The following TTC6 variants were observed in gnomAD, a reference collection of about 807,000 sequenced individuals.
TTC6 encodes tetratricopeptide repeat protein 6.
TTC6 carries 172 observed loss-of-function variants against 210.4 expected under a neutral mutation model. The observed-to-expected ratio is 0.82, with a 90% CI of 0.72 to 0.93. The LOEUF (loss-of-function observed/expected upper bound fraction) is 0.93. TTC6 is among the 40% of genes least tolerant of loss of function. TTC6 has a pLI of 0.00. For synonymous variants in TTC6, 804 were observed against 819.6 expected (o/e 0.98, Z 0.32); for missense variants, 2,414 against 2,318.1 (o/e 1.04, Z -0.85).
intron 2 of TTC6, among the ~76,000 whole-genome samples, chr14:37,608,399 T>G (rs1240312032): frequency 6.6e-6 from 1 of 152,032 alleles, no homozygotes; most frequent in Non-Finnish European, 1.5e-5. Context: ...AGCCTCGACT[T>G]CCTGGGCCTA....
At chr14:37,710,964 A>G (rs954134018) in intron 5 of TTC6, among the ~76,000 whole-genome samples, 6 of 152,152 alleles carry the variant, frequency 3.9e-5, no homozygotes, top group African/African-American at 1.4e-4. Context: ...TTCAGAGTGC[A>G]CAGAATCACC....
At chr14:37,822,388 C>G (rs2139489040) in intron 26 of TTC6, among the ~76,000 whole-genome samples, 1 of 152,226 alleles carries the variant, frequency 6.6e-6, no homozygotes, top group Non-Finnish European at 1.5e-5. Context: ...TGAGTAACCT[C>G]TAGAAGATGA....
chr14:37,800,954 C>T (rs2096105165), intron 20 of TTC6, among the ~76,000 whole-genome samples: 2 of 152,054 alleles, frequency 1.3e-5, no homozygotes, highest in South Asian at 4.1e-4. Flanking sequence ...GGAAAAAGGA[C>T]CCAGAAGGCA....
chr14:37,644,444 T>C (rs373948538), intron 1 of TTC6, among the ~76,000 whole-genome samples: 2 of 152,172 alleles, frequency 1.3e-5, no homozygotes, highest in East Asian at 3.9e-4. Flanking sequence ...AAGAAATGCA[T>C]GTGTCTGAGA....
rs1430163323 is a variant in TTC6 at position 37,834,283 on chromosome 14, ACTTTTT to A, written c.5298+6923_5298+6928del. Among the ~76,000 whole-genome samples, 6 of 49,642 alleles carry A rather than the reference ACTTTTT, an allele frequency of 1.2e-4. No individual in the cohort carries two copies. In the South Asian group the frequency reaches 7.7e-3, roughly 64 times the overall value. The allele number at this position is 49,642 out of a possible 152,430, so 32.6% of individuals were successfully genotyped here. ...TATTTTACTGAATAGGTTTTCTATG[ACTTTTT>A]CTTTTCTTTTGAACTCCCAAAATTG... On this transcript the variant is annotated intron_variant, in intron 29 of 30. Transcript: ENST00000553443.
chr14:37,679,412 T>C (rs995708424), intron 1 of TTC6, among the ~76,000 whole-genome samples: 1 of 152,086 alleles, frequency 6.6e-6, no homozygotes, highest in Non-Finnish European at 1.5e-5. Context: ...CTCAACTGAG[T>C]AGAGAGTATA....
chr14:37,659,691 T>G (rs2095732957), intron 1 of TTC6, among the ~76,000 whole-genome samples: 1 of 152,118 alleles, frequency 6.6e-6, no homozygotes, highest in South Asian at 2.1e-4. Context: ...CAGCTAATTT[T>G]TGTATTTTTA....
chr14:37,790,480 T>TA (rs1354403045), intron 15 of TTC6, among the ~76,000 whole-genome samples: 1 of 152,214 alleles, frequency 6.6e-6, no homozygotes, highest in Non-Finnish European at 1.5e-5. Flanking sequence ...AATCAGGATT[T>TA]AATTCAGCTC....
At chr14:37,766,907 C>T (rs1034686059) in intron 14 of TTC6, among the ~76,000 whole-genome samples, 20 of 152,094 alleles carry the variant, frequency 1.3e-4, no homozygotes, top group Non-Finnish European at 2.5e-4. Context: ...CCCACTAACT[C>T]GTCATCTAGC....
At chr14:37,642,239 C>G (rs1413510364) in intron 1 of TTC6, among the ~76,000 whole-genome samples, 2 of 152,136 alleles carry the variant, frequency 1.3e-5, no homozygotes, top group East Asian at 3.9e-4. Flanking sequence ...CAGCAAGAAC[C>G]AAGGATTTGC....
chr14:37,729,168 A>C (rs1885712), intron 7 of TTC6, among the ~76,000 whole-genome samples: 152,030 of 152,268 alleles, frequency 1, 75,898 homozygotes, highest in Non-Finnish European at 1. Context: ...AGAAGATTAT[A>C]ATATATATTT....
intron 1 of TTC6, among the ~76,000 whole-genome samples, chr14:37,650,814 A>G (rs1198465976): frequency 6.6e-6 from 1 of 152,226 alleles, no homozygotes; most frequent in Non-Finnish European, 1.5e-5. Context: ...TCCTTTGCAA[A>G]TCAGAATAAA....
At chr14:37,825,645 A>C (rs982198458) in intron 27 of TTC6, among the ~76,000 whole-genome samples, 13 of 152,110 alleles carry the variant, frequency 8.5e-5, no homozygotes, top group Non-Finnish European at 1.5e-4. Context: ...GTATAAACAG[A>C]AGCTTGGTAG....
At chr14:37,728,288 T>C (rs2095877810) in intron 7 of TTC6, among the ~76,000 whole-genome samples, 1 of 152,164 alleles carries the variant, frequency 6.6e-6, no homozygotes, top group African/African-American at 2.4e-5. Context: ...TGTCAGTTTT[T>C]CCATGTGTTA....
At position 37,731,278 on chromosome 14, in the gene TTC6, AAG is replaced by A. The variant is rs562394330; in HGVS notation, c.1819-4641_1819-4640del. 2.6e-3 allele frequency among the ~76,000 whole-genome samples: 390 copies of A among 152,312 alleles called. 2 individuals are homozygous for A. The highest frequency in any genetic ancestry group is 8.7e-3 in the African/African-American group (363 of 41,570). ...TGACAGCACTATAACTCATGCCTGA[AAG>A]AAGCTATGTAACACATTTGTTTTCT... On this transcript the variant is annotated intron_variant, in intron 7 of 30. Coordinates refer to ENST00000553443, the Ensembl canonical transcript of TTC6.
intron 14 of TTC6, among the ~76,000 whole-genome samples, chr14:37,764,228 G>A (rs2095992251): frequency 6.6e-6 from 1 of 152,236 alleles, no homozygotes; most frequent in African/African-American, 2.4e-5. Flanking sequence ...AAGTTTGCCT[G>A]AGAAGAATTT....
At chr14:37,813,147 G>C (rs2096133512) in intron 25 of TTC6, among the ~76,000 whole-genome samples, 1 of 152,046 alleles carries the variant, frequency 6.6e-6, no homozygotes, top group Admixed American at 6.6e-5. Context: ...GGAGTGGAGT[G>C]CATCCTGTTC....
intron 29 of TTC6, among the ~76,000 whole-genome samples, chr14:37,832,100 G>T (rs1400727040): frequency 6.6e-6 from 1 of 151,984 alleles, no homozygotes; most frequent in Non-Finnish European, 1.5e-5. Flanking sequence ...AATCCATTTT[G>T]ATTTGATTTT....
chr14:37,828,273 A>AT (rs777285015), intron 29 of TTC6, among the ~76,000 whole-genome samples: 21 of 152,104 alleles, frequency 1.4e-4, no homozygotes, highest in Non-Finnish European at 3.1e-4. Flanking sequence ...TAATTTTTAA[A>AT]TTTTTCCTTT....
Sources: gnomAD v4.1 joint callset for allele counts (sites outside exome capture counted in the v4.1 genomes callset) on GRCh38, gnomAD v4.1.1 for gene constraint, MANE v1.5 for transcripts, NCBI Gene and HGNC (gene_info 2026-07-23, HGNC 2026-07-21) for gene names.